BRINP1: variants seen among roughly 807,000 people sequenced by gnomAD.
BRINP1 encodes BMP/retinoic acid inducible neural specific 1.
A neutral mutation model predicts 72.9 loss-of-function variants in BRINP1; 17 were observed. The observed-to-expected ratio is 0.23, with a 90% CI of 0.16 to 0.35. The LOEUF is 0.35. BRINP1 is among the 10% of genes least tolerant of loss of function. The pLI, the probability that BRINP1 is intolerant of heterozygous loss-of-function variation, is 1.00. For missense variants in BRINP1, 850 were observed against 1,001.6 expected (o/e 0.85, Z 2.04); for synonymous variants, 418 against 378.5 (o/e 1.10, Z -1.21).
chr9:119,255,734 G>A (rs896537501), intron 2 of BRINP1, among the ~76,000 whole-genome samples: 7 of 152,002 alleles, frequency 4.6e-5, no homozygotes, highest in East Asian at 3.9e-4. Context: ...CGGGCAGATC[G>A]CCTGAGCTCA....
At chr9:119,325,124 G>C (rs1587961268) in intron 1 of BRINP1, among the ~76,000 whole-genome samples, 1 of 151,708 alleles carries the variant, frequency 6.6e-6, no homozygotes, top group Non-Finnish European at 1.5e-5. Flanking sequence ...AAGAAAGAGA[G>C]AGAGAGAGAA....
chr9:119,349,712 T>A (rs111237478), intron 1 of BRINP1, among the ~76,000 whole-genome samples: 1 of 152,178 alleles, frequency 6.6e-6, no homozygotes, highest in Admixed American at 6.5e-5. Context: ...GGTGTCAGAC[T>A]GCTTAAGATT....
intron 7 of BRINP1, among the ~76,000 whole-genome samples, chr9:119,181,256 T>G (rs1829553666): frequency 1.2e-4 from 19 of 152,068 alleles, no homozygotes; most frequent in Admixed American, 1.2e-3. Flanking sequence ...AGCTATGAAA[T>G]AAGAGGGGAC....
chr9:119,281,393 T>C (rs1237555261), intron 2 of BRINP1, among the ~76,000 whole-genome samples: 1 of 141,942 alleles, frequency 7.0e-6, no homozygotes, highest in Non-Finnish European at 1.5e-5. Context: ...GATGTAAGCA[T>C]TCAAAAATCA....
At chr9:119,169,057 T>C (rs1004880252) in intron 7 of BRINP1, among the ~76,000 whole-genome samples, 4 of 152,204 alleles carry the variant, frequency 2.6e-5, no homozygotes, top group South Asian at 2.1e-4. Context: ...CTGTCCACAA[T>C]AGCAAAGACT....
In BRINP1 at chr9:119,368,680, CCTCT is replaced by C. The variant is rs1273790317; in HGVS notation, c.-51+372_-51+375del. Among the ~76,000 whole-genome samples the C allele has an allele frequency of 6.6e-6, 1 of 151,930 alleles. No individual in the cohort carries two copies. The highest frequency in any genetic ancestry group is 1.5e-5 in the Non-Finnish European group (1 of 67,982). ...ATCGCGCCGTAAGTAGGTTATAGGA[CCTCT>C]CTCTCTTCACCCCTCCCTTACACAC... On this transcript the variant is annotated intron_variant, in intron 1 of 7. Transcript: ENST00000265922. This position sits in a 1 kb window ranked among gnomAD's most constrained non-coding sequence, Gnocchi z 4.7.
chr9:119,355,525 G>A (rs527450214), intron 1 of BRINP1, among the ~76,000 whole-genome samples: 23 of 152,180 alleles, frequency 1.5e-4, no homozygotes, highest in South Asian at 2.1e-4. Context: ...TCAGGAGATT[G>A]AGACCATCCT....
At chr9:119,337,589 A>G (rs1469558615) in intron 1 of BRINP1, among the ~76,000 whole-genome samples, 1 of 152,248 alleles carries the variant, frequency 6.6e-6, no homozygotes, top group Non-Finnish European at 1.5e-5. Flanking sequence ...TAAAAGCCCA[A>G]GATTCTCCCT....
chr9:119,297,241 T>C (rs1830890523), intron 2 of BRINP1, among the ~76,000 whole-genome samples: 1 of 152,218 alleles, frequency 6.6e-6, no homozygotes, highest in Non-Finnish European at 1.5e-5. Context: ...ATGAATATTA[T>C]AGAGGGAATT....
At chr9:119,333,803 G>A (rs931775426) in intron 1 of BRINP1, among the ~76,000 whole-genome samples, 5 of 152,138 alleles carry the variant, frequency 3.3e-5, no homozygotes, top group African/African-American at 1.2e-4. Flanking sequence ...TTCATTGGGA[G>A]CCTAAGGAAA....
At chr9:119,321,965 C>T (rs1442415345) in intron 1 of BRINP1, among the ~76,000 whole-genome samples, 1 of 152,204 alleles carries the variant, frequency 6.6e-6, no homozygotes, top group Non-Finnish European at 1.5e-5. Context: ...ATTCATCCAT[C>T]TCCACATTTT....
At chr9:119,211,573 A>C (rs1329289018) in intron 6 of BRINP1, among the ~76,000 whole-genome samples, 1 of 152,116 alleles carries the variant, frequency 6.6e-6, no homozygotes, top group Non-Finnish European at 1.5e-5. Context: ...TATGTATAGA[A>C]ACTAGGCCCT....
chr9:119,217,168 C>T (rs957261669), intron 5 of BRINP1, among the ~76,000 whole-genome samples: 9 of 152,154 alleles, frequency 5.9e-5, no homozygotes, highest in Non-Finnish European at 1.2e-4. Context: ...CAGTGCTGAA[C>T]TCCTACATGG....
At chr9:119,247,112 C>T (rs1830327993) in intron 3 of BRINP1, among the ~76,000 whole-genome samples, 2 of 152,282 alleles carry the variant, frequency 1.3e-5, no homozygotes, top group South Asian at 2.1e-4. Context: ...GAATTGGTCT[C>T]AATGCCTTTT....
At chr9:119,240,062 A>G (rs1830232357) in intron 4 of BRINP1, among the ~76,000 whole-genome samples, 1 of 152,044 alleles carries the variant, frequency 6.6e-6, no homozygotes, top group African/African-American at 2.4e-5. Context: ...CAAGGTCAAG[A>G]GATTGAGACC....
At chr9:119,358,356 C>T (rs535724961) in intron 1 of BRINP1, among the ~76,000 whole-genome samples, 9 of 141,370 alleles carry the variant, frequency 6.4e-5, no homozygotes, top group African/African-American at 2.4e-4. Context: ...AACTCAGATA[C>T]GGATTGATCT....
intron 4 of BRINP1, among the ~76,000 whole-genome samples, chr9:119,240,342 G>C (rs915115585): frequency 6.6e-6 from 1 of 152,088 alleles, no homozygotes; most frequent in African/African-American, 2.4e-5. Context: ...TTGAGGTAGT[G>C]GCAAGAAATG....
chr9:119,321,602 C>G (rs1412548718), intron 1 of BRINP1, among the ~76,000 whole-genome samples: 2 of 152,282 alleles, frequency 1.3e-5, no homozygotes, highest in African/African-American at 2.4e-5. Flanking sequence ...AGCCTCCCCA[C>G]TAGCTGGGAC....
intron 7 of BRINP1, among the ~76,000 whole-genome samples, chr9:119,200,550 G>A (rs1485554552): frequency 1.3e-5 from 2 of 151,238 alleles, no homozygotes; most frequent in African/African-American, 4.9e-5. Context: ...CTTAAGCCCA[G>A]GAGTTTGAGA....
Sources: allele counts gnomAD v4.1 joint callset (sites outside exome capture counted in the v4.1 genomes callset), GRCh38; gene constraint gnomAD v4.1.1; non-coding constraint Gnocchi (gnomAD v3.1); transcripts MANE v1.5; gene names NCBI Gene and HGNC (gene_info 2026-07-23, HGNC 2026-07-21).